Variants in MPP4 observed in about 807,000 individuals in gnomAD.
MPP4 encodes the protein MAGUK p55 subfamily member 4.
MPP4 carries 91 observed loss-of-function variants against 98.3 expected under a neutral mutation model. The ratio of observed to expected loss-of-function variants is 0.93; its 90% CI spans 0.78 to 1.10. The LOEUF (loss-of-function observed/expected upper bound fraction) is 1.10, where lower values mean the gene tolerates loss of function less well. Among genes scored for constraint, MPP4 ranks in the 50% least tolerant of loss-of-function variants. MPP4 has a pLI of 0.00. For synonymous variants in MPP4, 261 were observed against 271.8 expected (o/e 0.96, Z 0.39); for missense variants, 744 against 792.9 (o/e 0.94, Z 0.74).
At chr2:201,663,871 C>T (rs573350863) in intron 14 of MPP4, among the ~76,000 whole-genome samples, 1 of 151,882 alleles carries the variant, frequency 6.6e-6, no homozygotes, top group Non-Finnish European at 1.5e-5. Flanking sequence ...GACAGAGAGA[C>T]CTTGTCTCAA....
At chr2:201,652,489 A>G (rs1451528030) in intron 18 of MPP4, among the ~76,000 whole-genome samples, 1 of 152,166 alleles carries the variant, frequency 6.6e-6, no homozygotes, top group African/African-American at 2.4e-5. Flanking sequence ...AAAAAACACT[A>G]GCGGTTTCCA....
At chr2:201,663,935 A>C in intron 14 of MPP4, 146 bp downstream of exon 14, 1 of 410,008 alleles carries the variant, frequency 2.4e-6, no homozygotes, top group Non-Finnish European at 4.2e-6. Flanking sequence ...TTTGAGGTTG[A>C]CAACATGATG....
intron 6 of MPP4, among the ~76,000 whole-genome samples, chr2:201,685,597 G>C (rs1688806353): frequency 6.6e-6 from 1 of 152,194 alleles, no homozygotes; most frequent in Non-Finnish European, 1.5e-5. Flanking sequence ...AAATGCAATG[G>C]AATTGAGGGA....
chr2:201,689,533 T>G (rs1444891846), intron 4 of MPP4, among the ~76,000 whole-genome samples: 2 of 152,036 alleles, frequency 1.3e-5, no homozygotes, highest in African/African-American at 4.8e-5. Context: ...ACTATCTATG[T>G]AAGAGATGAT....
At chr2:201,667,695 C>T (rs1354218569) in intron 12 of MPP4, among the ~76,000 whole-genome samples, 1 of 152,164 alleles carries the variant, frequency 6.6e-6, no homozygotes, top group Non-Finnish European at 1.5e-5. Context: ...GAAGCTTATA[C>T]ATGTTCCAAA....
At chr2:201,661,956 A>G in intron 14 of MPP4, 1 of 309,662 alleles carries the variant, frequency 3.2e-6, no homozygotes, top group South Asian at 3.2e-5. Flanking sequence ...CCAAATGGGC[A>G]AGTATAAATA....
intron 3 of MPP4, among the ~76,000 whole-genome samples, chr2:201,692,174 T>C (rs1689048886): frequency 6.6e-6 from 1 of 152,232 alleles, no homozygotes; most frequent in Non-Finnish European, 1.5e-5. Context: ...TCCTACCAGT[T>C]GATAAATGAC....
intron 7 of MPP4, among the ~76,000 whole-genome samples, chr2:201,684,698 C>T (rs1208055564): frequency 6.6e-6 from 1 of 152,074 alleles, no homozygotes; most frequent in African/African-American, 2.4e-5. Context: ...CGCCTATAGT[C>T]CCAGCACTTT....
intron 10 of MPP4, among the ~76,000 whole-genome samples, chr2:201,679,262 C>A (rs1688602844): frequency 6.6e-6 from 1 of 152,140 alleles, no homozygotes; most frequent in Non-Finnish European, 1.5e-5. Flanking sequence ...GCTGTTAAAT[C>A]CAACCCTCTG....
chr2:201,670,467 G>T lies in MPP4; in HGVS notation c.995-717C>A, dbSNP rs1454963809. Among the ~76,000 whole-genome samples, 3 of 152,128 alleles carry T rather than the reference G, an allele frequency of 2.0e-5. No individual in the cohort carries two copies. In the East Asian group the frequency reaches 5.8e-4, roughly 29 times the overall value. On this transcript the variant is annotated intron_variant, in intron 11 of 21. Coordinates refer to ENST00000409474, the MANE Select transcript of MPP4 (RefSeq NM_033066.3). The stretch of plus-strand genomic sequence containing the variant: ...GTCAGTGGCTCCAAACCTGAGGCTC[G>T]TGGACTTAGATATTTGTGAGGATAA...
At chr2:201,694,367 G>A (rs544148875) in intron 1 of MPP4, among the ~76,000 whole-genome samples, 427 of 152,210 alleles carry the variant, frequency 2.8e-3, no homozygotes, top group Middle Eastern at 0.014. Context: ...TTAGAGCTCA[G>A]AAAAGTCTTG....
At chr2:201,677,321 G>A (rs149701630) in intron 10 of MPP4, among the ~76,000 whole-genome samples, 184 of 152,188 alleles carry the variant, frequency 1.2e-3, no homozygotes, top group Admixed American at 3.4e-3. Context: ...GGAAAGTCAC[G>A]TCTACTTGCC....
At chr2:201,686,973 G>A (rs966182308) in intron 5 of MPP4, among the ~76,000 whole-genome samples, 1 of 152,212 alleles carries the variant, frequency 6.6e-6, no homozygotes, top group Non-Finnish European at 1.5e-5. Flanking sequence ...AAGCATGGAG[G>A]TATTCCTCTA....
chr2:201,661,140 C>T (rs1205740574), intron 14 of MPP4, among the ~76,000 whole-genome samples: 8 of 151,444 alleles, frequency 5.3e-5, no homozygotes, highest in African/African-American at 1.2e-4. Flanking sequence ...AGGCTGGTCT[C>T]GAACTCCTGA....
intron 18 of MPP4, chr2:201,650,477 T>C: frequency 1.0e-6 from 1 of 985,436 alleles, no homozygotes; most frequent in Non-Finnish European, 1.2e-6. Flanking sequence ...TGTGAACCTT[T>C]AGATGCCTGA....
At chr2:201,693,733 G>T in intron 2 of MPP4, 143 bp downstream of exon 2, 1 of 897,236 alleles carries the variant, frequency 1.1e-6, no homozygotes, top group Non-Finnish European at 1.8e-6. Flanking sequence ...GTTATCACTG[G>T]TAGGGCAGTA....
chr2:201,670,986 A>G (rs1688326113), intron 11 of MPP4, among the ~76,000 whole-genome samples: 2 of 152,188 alleles, frequency 1.3e-5, no homozygotes, highest in African/African-American at 4.8e-5. Flanking sequence ...AGCCAAGGAA[A>G]GCTGTGAGGG....
chr2:201,673,915 C>G (rs1353925010), intron 11 of MPP4, among the ~76,000 whole-genome samples: 1 of 152,212 alleles, frequency 6.6e-6, no homozygotes, highest in Non-Finnish European at 1.5e-5. Context: ...TCCCTTACCC[C>G]CTTTCCAGGG....
intron 7 of MPP4, 35 bp from the exon 8 acceptor site, chr2:201,682,951 C>T (rs1424692936): frequency 6.4e-7 from 1 of 1,560,516 alleles, no homozygotes; most frequent in Non-Finnish European, 8.8e-7. Flanking sequence ...AAGAAAGATA[C>T]AAAGAAGTAG....
Sources: allele counts gnomAD v4.1 joint callset (sites outside exome capture counted in the v4.1 genomes callset), GRCh38; gene constraint gnomAD v4.1.1; transcripts MANE v1.5; gene names NCBI Gene and HGNC (gene_info 2026-07-23, HGNC 2026-07-21).